SOX6: variants seen among roughly 807,000 people sequenced by gnomAD.
SOX6 encodes the protein SRY-box transcription factor 6.
A neutral mutation model predicts 97.8 loss-of-function variants in SOX6; 11 were observed. That is an observed-to-expected ratio of 0.11 (90% CI 0.07 to 0.19). The LOEUF is 0.19. Ranked by LOEUF, SOX6 falls within the 10% of genes least tolerant of loss-of-function variation. The pLI is 1.00. For missense variants in SOX6, 810 were observed against 1,039.5 expected, an observed-to-expected ratio of 0.78 and a Z score of 3.04; for synonymous variants, 360 against 371.4, an observed-to-expected ratio of 0.97 and a Z score of 0.35.
chr11:16,296,109 C>T (rs754734923), intron 3 of SOX6, among the ~76,000 whole-genome samples: 35 of 152,184 alleles, frequency 2.3e-4, no homozygotes, highest in South Asian at 6.2e-4. Context: ...CATAATATAA[C>T]ATTTTTATAA....
At chr11:16,012,488 T>G (rs1854761456) in intron 13 of SOX6, among the ~76,000 whole-genome samples, 1 of 151,984 alleles carries the variant, frequency 6.6e-6, no homozygotes, top group African/African-American at 2.4e-5. Context: ...ACATGCTCCT[T>G]AAGCTCCTGG....
At chr11:16,059,097 T>A (rs1439021356) in intron 9 of SOX6, among the ~76,000 whole-genome samples, 3 of 152,116 alleles carry the variant, frequency 2.0e-5, no homozygotes, top group Non-Finnish European at 4.4e-5. Flanking sequence ...TCTTTTTTAC[T>A]AAGACAGTTA....
intron 4 of SOX6, among the ~76,000 whole-genome samples, chr11:16,498,569 A>G (rs1412882663): frequency 6.6e-6 from 1 of 152,158 alleles, no homozygotes; most frequent in Non-Finnish European, 1.5e-5. Flanking sequence ...AACCCATCTC[A>G]CGTGCAGAGA....
chr11:16,252,457 G>T (rs77226699), intron 3 of SOX6: 3,746 of 152,292 alleles, frequency 0.025, 68 homozygotes, highest in Middle Eastern at 0.061. Context: ...ACTGCTGGAT[G>T]CTCAGGGTGC....
intron 1 of SOX6, among the ~76,000 whole-genome samples, chr11:16,470,459 C>G (rs1177930685): frequency 6.6e-6 from 1 of 152,010 alleles, no homozygotes; most frequent in Non-Finnish European, 1.5e-5. Flanking sequence ...CCCTAAAAAT[C>G]TATGTAATTC....
intron 3 of SOX6, among the ~76,000 whole-genome samples, chr11:16,648,294 C>A (rs1274243285): frequency 2.0e-5 from 3 of 152,040 alleles, no homozygotes; most frequent in Admixed American, 6.6e-5. Context: ...TAGAACATAA[C>A]CCCATTTACC....
intron 6 of SOX6, among the ~76,000 whole-genome samples, chr11:16,152,559 AG>A (rs1189862015): frequency 3.9e-5 from 6 of 152,202 alleles, no homozygotes; most frequent in Non-Finnish European, 7.3e-5. Context: ...CCATTAATAC[AG>A]GCTACTGATC....
intron 1 of SOX6, among the ~76,000 whole-genome samples, chr11:16,365,687 G>A (rs1315560236): frequency 6.6e-6 from 1 of 152,058 alleles, no homozygotes; most frequent in Non-Finnish European, 1.5e-5. Flanking sequence ...TCTGTCTTCT[G>A]TGAAAATGCC....
intron 3 of SOX6, among the ~76,000 whole-genome samples, chr11:16,633,014 A>G (rs927599330): frequency 6.6e-6 from 1 of 152,058 alleles, no homozygotes; most frequent in Non-Finnish European, 1.5e-5. Context: ...ATTCCTGGGG[A>G]TCTGCCTGGG....
At chr11:16,415,808 T>A (rs1181388352) in intron 1 of SOX6, among the ~76,000 whole-genome samples, 3 of 152,162 alleles carry the variant, frequency 2.0e-5, no homozygotes, top group Non-Finnish European at 4.4e-5. Flanking sequence ...CTAAATGGCA[T>A]GTCATTGAGG....
intron 2 of SOX6, among the ~76,000 whole-genome samples, chr11:16,728,844 A>C (rs1848327704): frequency 6.6e-6 from 1 of 152,228 alleles, no homozygotes; most frequent in Non-Finnish European, 1.5e-5. Flanking sequence ...AAAAAAGGTT[A>C]GAGGAATTGC....
At chr11:16,718,365 T>G (rs563113619) in intron 2 of SOX6, among the ~76,000 whole-genome samples, 77 of 152,312 alleles carry the variant, frequency 5.1e-4, no homozygotes, top group African/African-American at 1.8e-3. Flanking sequence ...TGCTTGAATT[T>G]CTTCTTTATT....
In SOX6 at chr11:16,049,775, A is replaced by C. The variant is rs139165952; in HGVS notation, c.1415T>G (p.Leu472Arg). 6.2e-7 allele frequency: 1 copy of C among 1,613,302 alleles called. No homozygotes were observed. The highest frequency in any genetic ancestry group is 1.3e-5 in the African/African-American group (1 of 74,758). Residue 472 changes from leucine (L) to arginine (R), a missense_variant, in exon 11 of 16, where the codon CTG (leucine) becomes CGG (arginine). This residue lies in a region of SOX6 where 14 missense variants were observed against 36.0 expected (regional missense o/e 0.39). Coordinates refer to ENST00000683767, the MANE Select transcript of SOX6 (RefSeq NM_001367873.1). Reference protein sequence around the residue: ...SSIPSPIGGSLGRGSSLDILS... With the variant: ...SSIPSPIGGSRGRGSSLDILS... ...TTTACCTAAAGAGGATCCTCTTCCC[A>C]GGCTTCCTCCAATGGGGCTAGGGAT...
chr11:16,076,651 A>C (rs1590180146), intron 9 of SOX6, among the ~76,000 whole-genome samples: 1 of 151,904 alleles, frequency 6.6e-6, no homozygotes, highest in African/African-American at 2.4e-5. Flanking sequence ...GGAAACTTAT[A>C]ATCATGATGG....
intron 3 of SOX6, among the ~76,000 whole-genome samples, chr11:16,283,122 C>G (rs1466944207): frequency 1.4e-5 from 1 of 69,534 alleles, no homozygotes; most frequent in Non-Finnish European, 2.9e-5. Context: ...TATGACTCTG[C>G]TGAGGGTCAA....
intron 7 of SOX6, chr11:16,110,496 T>C (rs1288007122): frequency 1.3e-5 from 2 of 152,144 alleles, no homozygotes; most frequent in African/African-American, 2.4e-5. Context: ...CTAAAAATCA[T>C]GCTCTAGAAA....
chr11:16,218,982 T>C (rs1333057707), intron 4 of SOX6, among the ~76,000 whole-genome samples: 1 of 152,104 alleles, frequency 6.6e-6, no homozygotes, highest in Non-Finnish European at 1.5e-5. Context: ...CTTGCACTCT[T>C]CTTATTTTCA....
At chr11:16,590,101 A>AT (rs1848132925) in intron 4 of SOX6, among the ~76,000 whole-genome samples, 2 of 152,242 alleles carry the variant, frequency 1.3e-5, no homozygotes, top group African/African-American at 4.8e-5. Flanking sequence ...TTTACCTAGA[A>AT]TGCAGTGTGA....
At chr11:16,454,411 C>T (rs970970540) in intron 1 of SOX6, among the ~76,000 whole-genome samples, 5 of 152,022 alleles carry the variant, frequency 3.3e-5, no homozygotes, top group Non-Finnish European at 7.4e-5. Context: ...ATTAGCAAAG[C>T]AGGGTGCTCA....
Sources: gnomAD v4.1 joint callset for allele counts (sites outside exome capture counted in the v4.1 genomes callset) on GRCh38, gnomAD v4.1.1 for gene constraint, gnomAD v4.1.1 regional missense constraint, MANE v1.5 for transcripts, NCBI Gene and HGNC (gene_info 2026-07-23, HGNC 2026-07-21) for gene names.